The following SEH1L variants were observed in gnomAD, a reference collection of about 807,000 sequenced individuals.
SEH1L encodes nucleoporin SEH1.
Under a neutral mutation model 49.5 loss-of-function variants are expected in SEH1L, and 18 were observed. The ratio of observed to expected loss-of-function variants is 0.36; its 90% CI spans 0.25 to 0.54. The LOEUF (loss-of-function observed/expected upper bound fraction) is 0.54, where lower values mean the gene tolerates loss of function less well. SEH1L is among the 20% of genes least tolerant of loss of function. The pLI is 0.87. For synonymous variants in SEH1L, 169 were observed against 178.1 expected (o/e 0.95, Z 0.41); for missense variants, 404 against 528.8 (o/e 0.76, Z 2.31).
chr18:12,987,157 A>C lies in SEH1L; in HGVS notation c.*100A>C, dbSNP rs2032497448. On this transcript the variant is annotated 3_prime_UTR_variant, in exon 9 of 9. Transcript: ENST00000399892. ...CATTTTCTTTCAGAAGATTTTTCTA[A>C]CTTAGGGTCTGTCTTGCATGTATTA... 1.3e-5 allele frequency: 11 copies of C among 873,546 alleles called. No individual in the cohort carries two copies. In the South Asian group the frequency reaches 1.8e-4, roughly 14 times the overall value. The allele number at this position is 873,546 out of a possible 1,614,324, so 54.1% of individuals were successfully genotyped here. A position where few individuals can be genotyped will look rare whatever the true frequency, so the allele number is the denominator to read the frequency against.
chr18:12,956,158 C>CCTCA (rs1296825809), intron 3 of SEH1L, among the ~76,000 whole-genome samples: 2 of 152,046 alleles, frequency 1.3e-5, no homozygotes, highest in African/African-American at 4.8e-5. Context: ...CATTCTCCTA[C>CCTCA]CTCAGCCTCC....
chr18:12,983,024 T>G (rs2032333020), intron 7 of SEH1L: 2 of 157,492 alleles, frequency 1.3e-5, no homozygotes, highest in Non-Finnish European at 2.8e-5. Flanking sequence ...ATAAATTGCT[T>G]TAGACAATCC....
At chr18:12,972,213 G>A (rs1437300991) in intron 5 of SEH1L, 1 of 152,176 alleles carries the variant, frequency 6.6e-6, no homozygotes, top group Non-Finnish European at 1.5e-5. Flanking sequence ...ATTGAGAAGT[G>A]GTATCAATAG....
chr18:12,977,792 C>G (rs2031987648), intron 5 of SEH1L: 2 of 152,152 alleles, frequency 1.3e-5, no homozygotes, highest in Admixed American at 1.3e-4. Context: ...TTACTCTTTT[C>G]CTAAGAAAGA....
At chr18:12,965,131 G>A (rs1367104817) in intron 4 of SEH1L, among the ~76,000 whole-genome samples, 2 of 146,190 alleles carry the variant, frequency 1.4e-5, no homozygotes, top group African/African-American at 5.1e-5. Context: ...CCCTGCCTCA[G>A]CCACCTGAGT....
chr18:12,948,172 T>C lies in SEH1L; in HGVS notation c.51T>C (p.Asp17=). The C allele has an allele frequency of 6.2e-7, 1 of 1,610,040 alleles. No individual in the cohort carries two copies. Among genetic ancestry groups the C allele is most frequent in the Non-Finnish European group, 8.5e-7 (1 of 1,177,714 alleles). The change falls in exon 1 of 9, where the codon GAT becomes GAC. Residue 17 remains aspartate (D), a synonymous_variant. Transcript: ENST00000399892. ...CGGACCACAAGGATCTCATCCACGA[T>C]GTCTCTTTCGACTTCCACGGGCGGC... is the stretch of plus-strand genomic sequence containing the variant. ...IAADHKDLIH[D]VSFDFHGRRM...
chr18:12,962,460 T>TC (rs1491120105), intron 3 of SEH1L, among the ~76,000 whole-genome samples: 45 of 41,096 alleles, frequency 1.1e-3, no homozygotes, highest in African/African-American at 3.4e-3. Flanking sequence ...CATGCCTTTC[T>TC]TTTTTTTTTT....
At position 12,978,896 on chromosome 18, in the gene SEH1L, A is replaced by G. The variant is rs762680365; in HGVS notation, c.761+4A>G. Reference sequence around the variant, plus strand: ...TTTTTACATTAAAGCCTGTGAGGTGAGTTTTAGAAGCATTTATGAATTTGA... The same window carrying G: ...TTTTTACATTAAAGCCTGTGAGGTGGGTTTTAGAAGCATTTATGAATTTGA... On this transcript the variant is annotated splice_donor_region_variant and intron_variant, in intron 6 of 8. Coordinates refer to ENST00000399892, the MANE Select transcript of SEH1L (RefSeq NM_001013437.2). The G allele has an allele frequency of 2.0e-5, 33 of 1,612,710 alleles. No individual in the cohort carries two copies. In the Admixed American group the frequency reaches 4.8e-4, roughly 24 times the overall value.
chr18:12,986,270 T>C (rs1284698866), intron 8 of SEH1L: 9 of 985,368 alleles, frequency 9.1e-6, no homozygotes, highest in South Asian at 4.7e-5. Context: ...GGAAGAAGAA[T>C]AACAGTAGGG....
At chr18:12,982,739 T>C in intron 7 of SEH1L, 64 bp downstream of exon 7, 1 of 1,251,100 alleles carries the variant, frequency 8.0e-7, no homozygotes. Flanking sequence ...TTACTTAAAA[T>C]GTAAACTCTG....
intron 3 of SEH1L, among the ~76,000 whole-genome samples, chr18:12,960,728 T>A (rs1385892819): frequency 6.6e-6 from 1 of 152,218 alleles, no homozygotes; most frequent in Admixed American, 6.5e-5. Flanking sequence ...TTGGGAGTGG[T>A]GGCATAAGAA....
chr18:12,963,915 G>A (rs115328145), intron 4 of SEH1L, among the ~76,000 whole-genome samples: 3,150 of 152,320 alleles, frequency 0.021, 82 homozygotes, highest in African/African-American at 0.061. Context: ...GTTTTACCAT[G>A]TTGGCCAGAC....
chr18:12,950,086 TG>T (rs1168383637), intron 1 of SEH1L, among the ~76,000 whole-genome samples: 1 of 151,692 alleles, frequency 6.6e-6, no homozygotes, highest in Non-Finnish European at 1.5e-5. Flanking sequence ...CAGGCTGGAG[TG>T]CAGTGGTGCG....
intron 1 of SEH1L, chr18:12,948,891 C>T (rs1389018591): frequency 6.6e-6 from 1 of 150,400 alleles, no homozygotes; most frequent in African/African-American, 2.5e-5. Flanking sequence ...ACTCTGTCAC[C>T]CAGGCTGGAG....
chr18:12,953,663 C>G lies in SEH1L; in HGVS notation c.162+1758C>G, dbSNP rs990439518. On this transcript the variant is annotated intron_variant, in intron 2 of 8. Transcript: ENST00000399892. Reference sequence around the variant, plus strand: ...TGAAAGGTCTATCCAAGGTCCCCCCCCCTTTTAAGGTGAGGTTAACTTATA... The same window carrying G: ...TGAAAGGTCTATCCAAGGTCCCCCCGCCTTTTAAGGTGAGGTTAACTTATA... Among the ~76,000 whole-genome samples the G allele has an allele frequency of 3.3e-5, 5 of 152,248 alleles. No homozygotes were observed. In the East Asian group the frequency reaches 9.6e-4, roughly 29 times the overall value.
intron 3 of SEH1L, 150 bp from the exon 4 acceptor site, chr18:12,963,009 GT>G (rs1424682914): frequency 1.9e-6 from 1 of 528,168 alleles, no homozygotes; most frequent in African/African-American, 1.9e-5. Flanking sequence ...CCATGTACTT[GT>G]AGGAACTTGT....
intron 8 of SEH1L, chr18:12,986,099 G>C: frequency 1.0e-6 from 1 of 984,916 alleles, no homozygotes; most frequent in Non-Finnish European, 1.2e-6. Context: ...TACTAAAATT[G>C]TGCATGTAAA....
intron 4 of SEH1L, among the ~76,000 whole-genome samples, chr18:12,969,682 A>C (rs2031611784): frequency 6.9e-6 from 1 of 145,254 alleles, no homozygotes; most frequent in Non-Finnish European, 1.5e-5. Flanking sequence ...GTGAGACTCC[A>C]TCTCAAAAAA....
At chr18:12,968,335 G>A (rs113470857) in intron 4 of SEH1L, among the ~76,000 whole-genome samples, 4 of 152,330 alleles carry the variant, frequency 2.6e-5, no homozygotes, top group African/African-American at 9.6e-5. Context: ...GACAAAGCAA[G>A]AAAGATTTTC....
Sources: allele counts gnomAD v4.1 joint callset (sites outside exome capture counted in the v4.1 genomes callset), GRCh38; gene constraint gnomAD v4.1.1; transcripts MANE v1.5; gene names NCBI Gene and HGNC (gene_info 2026-07-23, HGNC 2026-07-21).